CACNA1C: variants seen among roughly 807,000 people sequenced by gnomAD.
CACNA1C encodes voltage-dependent L-type calcium channel subunit alpha-1C.
Under a neutral mutation model 229.0 loss-of-function variants are expected in CACNA1C, and 30 were observed. That is an observed-to-expected ratio of 0.13 (90% confidence interval 0.10 to 0.18). The LOEUF (loss-of-function observed/expected upper bound fraction) is 0.18. Ranked by LOEUF, CACNA1C falls within the 10% of genes least tolerant of loss-of-function variation. The pLI is 1.00. For synonymous variants in CACNA1C, 1,114 were observed against 1,132.5 expected, an observed-to-expected ratio of 0.98 and a Z score of 0.33; for missense variants, 1,658 against 2,845.0, an observed-to-expected ratio of 0.58 and a Z score of 9.49.
intron 3 of CACNA1C, among the ~76,000 whole-genome samples, chr12:2,321,420 G>A (rs2095992478): frequency 6.6e-6 from 1 of 152,016 alleles, no homozygotes; most frequent in Non-Finnish European, 1.5e-5. Context: ...GGGCTGATGG[G>A]ATGATTGAAT....
intron 1 of CACNA1C, among the ~76,000 whole-genome samples, chr12:2,017,132 A>G (rs1183775406): frequency 6.6e-6 from 1 of 152,220 alleles, no homozygotes. Context: ...TCTGGCTACA[A>G]TTTAGAAAAT....
intron 3 of CACNA1C, among the ~76,000 whole-genome samples, chr12:2,327,547 C>T (rs566674417): frequency 2.0e-5 from 3 of 152,322 alleles, no homozygotes; most frequent in South Asian, 2.1e-4. Context: ...TTTAACCAGA[C>T]GACCTCCACA....
At position 2,108,271 on chromosome 12, in the gene CACNA1C, G is replaced by C. The variant is rs768236877; in HGVS notation, c.50-6953G>C. On this transcript the variant is annotated intron_variant, in intron 1 of 46. Coordinates refer to ENST00000399655, the MANE Select transcript of CACNA1C (RefSeq NM_000719.7). This position sits in a 1 kb window ranked among gnomAD's most constrained non-coding sequence, Gnocchi z 5.3. Reference sequence around the variant, plus strand: ...ATGCTGCAAGAGCAGGCTTTAGGCCGGGTCTGTGGGAATGATTCCCAAAAC... The same window carrying C: ...ATGCTGCAAGAGCAGGCTTTAGGCCCGGTCTGTGGGAATGATTCCCAAAAC... Among the ~76,000 whole-genome samples, 7 of 152,200 alleles carry C rather than the reference G, an allele frequency of 4.6e-5. No individual in the cohort carries two copies. Among genetic ancestry groups the C allele is most frequent in the African/African-American group, 1.7e-4 (7 of 41,456 alleles).
chr12:2,629,474 A>G lies in CACNA1C; in HGVS notation c.3829-4823A>G, dbSNP rs144973138. Among the ~76,000 whole-genome samples, 236 of 152,348 alleles carry G rather than the reference A, an allele frequency of 1.5e-3. 1 individual carries two copies. The highest frequency in any genetic ancestry group is 2.4e-3 in the Non-Finnish European group (165 of 68,034). Reference sequence around the variant, plus strand: ...AGATCAGGACACATGTGCCTTGTGGATGGGAGCAGAAGAAATGGCAAGTTC... The same window carrying G: ...AGATCAGGACACATGTGCCTTGTGGGTGGGAGCAGAAGAAATGGCAAGTTC... On this transcript the variant is annotated intron_variant, in intron 29 of 46. Transcript: ENST00000399655.
intron 3 of CACNA1C, among the ~76,000 whole-genome samples, chr12:2,439,956 G>A (rs930370924): frequency 3.3e-5 from 5 of 152,024 alleles, no homozygotes; most frequent in Non-Finnish European, 5.9e-5. Context: ...GAAGACCCCC[G>A]GCAGGACCTG....
chr12:2,055,852 C>T (rs2054510276), intron 1 of CACNA1C, among the ~76,000 whole-genome samples: 1 of 152,102 alleles, frequency 6.6e-6, no homozygotes, highest in African/African-American at 2.4e-5. Context: ...AGTTGGTTGG[C>T]ATTGCCGAGG....
rs986075510 is a variant in CACNA1C at position 2,087,309 on chromosome 12, G to T, written c.50-27915G>T. On this transcript the variant is annotated intron_variant, in intron 1 of 46. Transcript: ENST00000399655. ...TCCCATTCCAAGTCCTGGCACAATG[G>T]GGGAGAGTCCTTTCACTCTGTCCTG... Among the ~76,000 whole-genome samples, 3 of 152,192 alleles carry T rather than the reference G, an allele frequency of 2.0e-5. No homozygotes were observed. The South Asian group carries it at 6.2e-4, about 32-fold the overall frequency.
At chr12:2,627,903 G>A (rs2087831755) in intron 29 of CACNA1C, among the ~76,000 whole-genome samples, 2 of 152,212 alleles carry the variant, frequency 1.3e-5, no homozygotes, top group Admixed American at 6.5e-5. Flanking sequence ...CGTGTTCAGA[G>A]TCAGCTTCCC....
At chr12:2,021,316 A>C (rs1321766068) in intron 1 of CACNA1C, among the ~76,000 whole-genome samples, 1 of 152,208 alleles carries the variant, frequency 6.6e-6, no homozygotes, top group Admixed American at 6.5e-5. Context: ...TAATTTAAAC[A>C]CAGAGATAGA....
At chr12:2,274,114 C>A (rs1194685795) in intron 3 of CACNA1C, among the ~76,000 whole-genome samples, 2 of 152,192 alleles carry the variant, frequency 1.3e-5, no homozygotes, top group African/African-American at 4.8e-5. Context: ...TGATCTAGAG[C>A]CTCGTGCCCT....
intron 11 of CACNA1C, among the ~76,000 whole-genome samples, chr12:2,565,119 T>G (rs951557668): frequency 1.3e-5 from 2 of 152,222 alleles, no homozygotes; most frequent in African/African-American, 4.8e-5. Flanking sequence ...AGGATCATCT[T>G]AGCCACTGGT....
intron 1 of CACNA1C, among the ~76,000 whole-genome samples, chr12:1,984,042 G>C (rs1270189715): frequency 1.3e-5 from 2 of 151,822 alleles, no homozygotes; most frequent in Non-Finnish European, 2.9e-5. Flanking sequence ...TGTTAATCTA[G>C]ACACCCCAGT....
intron 3 of CACNA1C, among the ~76,000 whole-genome samples, chr12:2,393,149 A>G (rs1396780450): frequency 1.3e-5 from 2 of 152,136 alleles, no homozygotes; most frequent in East Asian, 1.9e-4. Flanking sequence ...CTGCAGCTTC[A>G]TCTCCCATGG....
At chr12:2,515,604 G>A (rs1010262360) in intron 9 of CACNA1C, among the ~76,000 whole-genome samples, 1 of 152,194 alleles carries the variant, frequency 6.6e-6, no homozygotes, top group African/African-American at 2.4e-5. Flanking sequence ...CAGCAGCTGT[G>A]GTGACTCCGC....
intron 46 of CACNA1C, chr12:2,690,696 T>G: frequency 1.8e-6 from 1 of 556,344 alleles, no homozygotes; most frequent in East Asian, 2.9e-5. Context: ...TTCTCTGGCC[T>G]GCACATCCCT....
At chr12:2,327,742 C>T (rs2096382708) in intron 3 of CACNA1C, among the ~76,000 whole-genome samples, 1 of 152,228 alleles carries the variant, frequency 6.6e-6, no homozygotes, top group African/African-American at 2.4e-5. Context: ...AGATGGTGAA[C>T]TTGGAAGGTT....
chr12:2,062,110 G>T (rs949019762), intron 1 of CACNA1C, among the ~76,000 whole-genome samples: 1 of 152,106 alleles, frequency 6.6e-6, no homozygotes, highest in African/African-American at 2.4e-5. Context: ...CCCAGCTCTG[G>T]TCCTGTGATC....
intron 3 of CACNA1C, among the ~76,000 whole-genome samples, chr12:2,328,142 G>C (rs2096404000): frequency 6.6e-6 from 1 of 152,218 alleles, no homozygotes; most frequent in Non-Finnish European, 1.5e-5. Flanking sequence ...CCCGTGCACT[G>C]AGAGTAGAGA....
intron 3 of CACNA1C, among the ~76,000 whole-genome samples, chr12:2,409,028 G>T (rs980419118): frequency 6.6e-6 from 1 of 152,136 alleles, no homozygotes; most frequent in African/African-American, 2.4e-5. Context: ...AATCACATTA[G>T]TTTATCCTAC....
Sources: allele counts gnomAD v4.1 joint callset (sites outside exome capture counted in the v4.1 genomes callset), GRCh38; gene constraint gnomAD v4.1.1; non-coding constraint Gnocchi (gnomAD v3.1); transcripts MANE v1.5; gene names NCBI Gene and HGNC (gene_info 2026-07-23, HGNC 2026-07-21).